The following MAP2K6 variants were observed in gnomAD, a reference collection of about 807,000 sequenced individuals.
The protein encoded by MAP2K6 is mitogen-activated protein kinase kinase 6.
Under a neutral mutation model 53.7 loss-of-function variants are expected in MAP2K6, and 16 were observed. That is an observed-to-expected ratio of 0.30 (90% CI 0.20 to 0.45). MAP2K6 has a LOEUF of 0.45. MAP2K6 is among the 20% of genes least tolerant of loss of function. MAP2K6 has a pLI of 1.00. For missense variants in MAP2K6, 204 were observed against 411.9 expected (o/e 0.50, Z 4.37); for synonymous variants, 132 against 143.1 (o/e 0.92, Z 0.55).
Position 69,455,131 on chromosome 17 carries a change from C to T in MAP2K6, c.16+40131C>T, listed in dbSNP as rs111848933. Among the ~76,000 whole-genome samples the T allele has an allele frequency of 7.7e-3, 1,173 of 151,802 alleles. 4 individuals carry two copies. The highest frequency in any genetic ancestry group is 0.015 in the South Asian group (73 of 4,810). ...CTATTTTTAATGCCTATTGCAACTT[C>T]CCAAGCTCCATTATATTGGAGATAT... On this transcript the variant is annotated intron_variant, in intron 1 of 11. Coordinates refer to ENST00000590474, the MANE Select transcript of MAP2K6 (RefSeq NM_002758.4).
intron 1 of MAP2K6, among the ~76,000 whole-genome samples, chr17:69,458,015 A>G (rs1219728877): frequency 6.6e-6 from 1 of 151,990 alleles, no homozygotes; most frequent in Non-Finnish European, 1.5e-5. Flanking sequence ...CAAAATTGCA[A>G]CTGCCTTTCT....
chr17:69,541,533 A>G, intron 11 of MAP2K6, 143 bp from the exon 12 acceptor site: 1 of 503,486 alleles, frequency 2.0e-6, no homozygotes, highest in African/African-American at 2.0e-5. Flanking sequence ...TGTGTGCTTG[A>G]TTTTGGAAAG....
chr17:69,513,773 C>CA (rs1482309668), intron 2 of MAP2K6, among the ~76,000 whole-genome samples: 2 of 151,854 alleles, frequency 1.3e-5, no homozygotes, highest in Admixed American at 6.6e-5. Flanking sequence ...CATTGGATGG[C>CA]AAAAAAACAG....
chr17:69,432,021 T>C (rs759546701), intron 1 of MAP2K6, among the ~76,000 whole-genome samples: 1 of 152,112 alleles, frequency 6.6e-6, no homozygotes, highest in Non-Finnish European at 1.5e-5. Context: ...CACTACCCAC[T>C]TGGAGGTGCT....
intron 10 of MAP2K6, among the ~76,000 whole-genome samples, chr17:69,534,966 T>A (rs758794023): frequency 2.0e-5 from 3 of 152,062 alleles, no homozygotes; most frequent in African/African-American, 7.2e-5. Flanking sequence ...TTTCTTTTCT[T>A]TCTTTCTTTT....
intron 1 of MAP2K6, among the ~76,000 whole-genome samples, chr17:69,471,325 G>A (rs1435999533): frequency 6.6e-6 from 1 of 152,158 alleles, no homozygotes; most frequent in African/African-American, 2.4e-5. Flanking sequence ...TATATGCCAT[G>A]GAATACTATA....
intron 1 of MAP2K6, among the ~76,000 whole-genome samples, chr17:69,465,649 C>T (rs574311462): frequency 4.8e-4 from 70 of 144,518 alleles, no homozygotes; most frequent in Admixed American, 2.2e-3. Context: ...AACAAAGTTT[C>T]GCTCTTGTTG....
chr17:69,527,305 G>T (rs977361921), intron 10 of MAP2K6, among the ~76,000 whole-genome samples: 4 of 152,176 alleles, frequency 2.6e-5, no homozygotes, highest in African/African-American at 9.7e-5. Context: ...TAGAACCTTG[G>T]TTGCTACTGA....
At chr17:69,524,803 C>T (rs1381098883) in intron 8 of MAP2K6, 98 bp from the exon 9 acceptor site, 3 of 834,490 alleles carry the variant, frequency 3.6e-6, no homozygotes, top group Non-Finnish European at 4.0e-6. Flanking sequence ...TAACAACTCA[C>T]TTGGCAGCTG....
At chr17:69,432,105 G>A (rs1306567516) in intron 1 of MAP2K6, among the ~76,000 whole-genome samples, 5 of 152,192 alleles carry the variant, frequency 3.3e-5, no homozygotes, top group Non-Finnish European at 7.3e-5. Flanking sequence ...AGACTGAAAG[G>A]AAATGCATTA....
intron 1 of MAP2K6, among the ~76,000 whole-genome samples, chr17:69,495,138 C>T (rs926747026): frequency 1.3e-5 from 2 of 148,228 alleles, no homozygotes; most frequent in Non-Finnish European, 3.0e-5. Context: ...CCCTCTTATT[C>T]GCTATGCCAC....
In MAP2K6 at chr17:69,471,113, T is replaced by C. The variant is rs189724646; in HGVS notation, c.17-34667T>C. ...GAGCATATATCTCAAACTATCAAAATAGGGTAGGAAAAAAATGAACTGTAT... is the reference window on the plus strand; with the variant it reads ...GAGCATATATCTCAAACTATCAAAACAGGGTAGGAAAAAAATGAACTGTAT... On this transcript the variant is annotated intron_variant, in intron 1 of 11. Coordinates refer to ENST00000590474, the MANE Select transcript of MAP2K6 (RefSeq NM_002758.4). 1.2e-3 allele frequency among the ~76,000 whole-genome samples: 185 copies of C among 152,280 alleles called. 1 individual carries two copies. Among genetic ancestry groups the C allele is most frequent in the African/African-American group, 4.3e-3 (178 of 41,548 alleles).
intron 1 of MAP2K6, among the ~76,000 whole-genome samples, chr17:69,444,078 A>G (rs1288425409): frequency 6.6e-6 from 1 of 152,232 alleles, no homozygotes; most frequent in Non-Finnish European, 1.5e-5. Context: ...CTAACATCCC[A>G]TTCTGCTTCC....
intron 1 of MAP2K6, among the ~76,000 whole-genome samples, chr17:69,483,117 C>A (rs929543833): frequency 6.6e-6 from 1 of 151,662 alleles, no homozygotes; most frequent in African/African-American, 2.4e-5. Flanking sequence ...AAAATGAAAT[C>A]AAAAGGATCC....
chr17:69,483,945 A>G (rs958749175), intron 1 of MAP2K6, among the ~76,000 whole-genome samples: 5 of 152,100 alleles, frequency 3.3e-5, no homozygotes, highest in Admixed American at 2.0e-4. Context: ...AAAAACTACA[A>G]TTAACCAAAT....
intron 5 of MAP2K6, 61 bp from the exon 6 acceptor site, chr17:69,520,209 T>G: frequency 1.1e-6 from 1 of 881,340 alleles, no homozygotes; most frequent in Non-Finnish European, 1.8e-6. Flanking sequence ...GTTTTTTTTT[T>G]TTATTTTTAT....
At position 69,434,370 on chromosome 17, in the gene MAP2K6, G is replaced by C. The variant is rs1210646330; in HGVS notation, c.16+19370G>C. ...CTGCTTTTTGTAACTTAACATTCCT[G>C]CCTGCCAAGAACGAGGGAGCTTGCT... On this transcript the variant is annotated intron_variant, in intron 1 of 11. Transcript: ENST00000590474. The C allele has an allele frequency of 2.6e-5, 4 of 152,228 alleles. No individual in the cohort carries two copies. In the East Asian group the frequency reaches 7.7e-4, roughly 29 times the overall value. The allele number at this position is 152,228 out of a possible 1,614,324, so 9.4% of individuals were successfully genotyped here. A position where few individuals can be genotyped will look rare whatever the true frequency, so the allele number is the denominator to read the frequency against.
intron 1 of MAP2K6, among the ~76,000 whole-genome samples, chr17:69,425,807 G>A (rs61065119): frequency 1.7e-3 from 254 of 152,260 alleles, no homozygotes; most frequent in African/African-American, 5.9e-3. Flanking sequence ...AGCTGTAAGC[G>A]TAGGGCTAGA....
At chr17:69,474,660 C>T (rs1340325720) in intron 1 of MAP2K6, among the ~76,000 whole-genome samples, 8 of 152,210 alleles carry the variant, frequency 5.3e-5, no homozygotes, top group South Asian at 2.1e-4. Context: ...AAGTTGATCT[C>T]TTTCTATGAC....
Sources: allele counts gnomAD v4.1 joint callset (sites outside exome capture counted in the v4.1 genomes callset), GRCh38; gene constraint gnomAD v4.1.1; transcripts MANE v1.5; gene names NCBI Gene and HGNC (gene_info 2026-07-23, HGNC 2026-07-21).